TENM2: variants seen among roughly 807,000 people sequenced by gnomAD.
TENM2 encodes teneurin-2.
In TENM2, 52 loss-of-function variants were observed where a neutral mutation model predicts 245.2. The ratio of observed to expected loss-of-function variants is 0.21; its 90% CI spans 0.17 to 0.27. The LOEUF (loss-of-function observed/expected upper bound fraction) is 0.27. TENM2 is among the 10% of genes least tolerant of loss of function. The probability of loss-of-function intolerance (pLI) is 1.00; values close to 1 mark genes in which losing one functional copy is unlikely to be tolerated. For missense variants in TENM2, 3,046 were observed against 3,666.8 expected, an observed-to-expected ratio of 0.83 and a Z score of 4.37; for synonymous variants, 1,363 against 1,438.9, an observed-to-expected ratio of 0.95 and a Z score of 1.19.
At chr5:167,531,389 G>T (rs1771487426) in intron 2 of TENM2, among the ~76,000 whole-genome samples, 1 of 151,690 alleles carries the variant, frequency 6.6e-6, no homozygotes, top group South Asian at 2.1e-4. Flanking sequence ...AATTAAAATT[G>T]TATCTATTTG....
the TENM2 span, among the ~76,000 whole-genome samples, chr5:167,154,449 A>G: frequency 1.3e-5 from 2 of 152,220 alleles, no homozygotes; most frequent in African/African-American, 4.8e-5. Flanking sequence ...GAGTCAAAAC[A>G]CAAAGATTTC....
chr5:167,351,486 A>G (rs927764464), intron 1 of TENM2, among the ~76,000 whole-genome samples: 1 of 152,182 alleles, frequency 6.6e-6, no homozygotes. Context: ...CTATGGGTTC[A>G]CTGAGCAATA....
chr5:167,397,818 C>G (rs1258618129), intron 2 of TENM2, among the ~76,000 whole-genome samples: 1 of 152,162 alleles, frequency 6.6e-6, no homozygotes, highest in East Asian at 1.9e-4. Flanking sequence ...GAAAAAGTCT[C>G]TAAAACATGT....
chr5:168,087,106 T>G (rs1792521600), intron 7 of TENM2, among the ~76,000 whole-genome samples: 2 of 152,236 alleles, frequency 1.3e-5, no homozygotes, highest in South Asian at 4.1e-4. Flanking sequence ...AATGATGCTG[T>G]GTGATGCTGC....
At chr5:167,397,228 G>A (rs1762105206) in intron 2 of TENM2, among the ~76,000 whole-genome samples, 1 of 151,722 alleles carries the variant, frequency 6.6e-6, no homozygotes, top group East Asian at 1.9e-4. Context: ...AGGGAGAATA[G>A]GAGAGAATGC....
chr5:167,927,516 A>C (rs764422189), intron 3 of TENM2, among the ~76,000 whole-genome samples: 6 of 152,170 alleles, frequency 3.9e-5, no homozygotes, highest in Middle Eastern at 3.2e-3. Flanking sequence ...TGGTGGCCTT[A>C]AGTGCATAAA....
chr5:167,722,217 A>C (rs989313502), intron 2 of TENM2, among the ~76,000 whole-genome samples: 3 of 152,216 alleles, frequency 2.0e-5, no homozygotes, highest in Admixed American at 6.5e-5. Flanking sequence ...TGGTGTCAGC[A>C]AGCATGTGCC....
chr5:167,203,876 G>A, the TENM2 span, among the ~76,000 whole-genome samples: 10 of 151,408 alleles, frequency 6.6e-5, no homozygotes, highest in Non-Finnish European at 1.5e-4. Context: ...AAAGAGAGAT[G>A]AAGAAAAAAC....
At chr5:166,985,250 T>C in the TENM2 span, among the ~76,000 whole-genome samples, 1 of 152,118 alleles carries the variant, frequency 6.6e-6, no homozygotes, top group South Asian at 2.1e-4. Flanking sequence ...ATACCTGGAA[T>C]TGGAGACCTA....
chr5:168,157,295 T>A (rs1281948090), intron 12 of TENM2, among the ~76,000 whole-genome samples: 3 of 152,190 alleles, frequency 2.0e-5, no homozygotes, highest in Non-Finnish European at 4.4e-5. Context: ...GATAGGCTGA[T>A]GTGGTAAGAG....
At chr5:168,008,118 AAGGGC>A (rs1178503301) in intron 5 of TENM2, among the ~76,000 whole-genome samples, 10 of 152,340 alleles carry the variant, frequency 6.6e-5, no homozygotes, top group African/African-American at 2.2e-4. Flanking sequence ...AGAAACTCCC[AAGGGC>A]TGGAATAGTT....
chr5:168,199,909 C>G, exon 17 of TENM2: 1 of 1,613,942 alleles, frequency 6.2e-7, no homozygotes, highest in Non-Finnish European at 8.5e-7. Context: ...TGTGAAACTT[C>G]GCTATCTGAG....
At chr5:166,999,615 C>T in the TENM2 span, among the ~76,000 whole-genome samples, 1 of 151,898 alleles carries the variant, frequency 6.6e-6, no homozygotes, top group Non-Finnish European at 1.5e-5. Context: ...GGTCAGCGTG[C>T]CTTAACTGGA....
At chr5:167,456,834 A>C (rs1484512269) in intron 2 of TENM2, among the ~76,000 whole-genome samples, 1 of 152,228 alleles carries the variant, frequency 6.6e-6, no homozygotes. Flanking sequence ...CAGGCAGATA[A>C]TATTAAAAGT....
intron 2 of TENM2, among the ~76,000 whole-genome samples, chr5:167,563,889 G>C (rs1184265907): frequency 6.6e-6 from 1 of 152,170 alleles, no homozygotes; most frequent in Non-Finnish European, 1.5e-5. Flanking sequence ...GTGTGAAGTA[G>C]GGTTTACCAT....
chr5:168,171,438 A>G (rs1270725987), intron 13 of TENM2, among the ~76,000 whole-genome samples: 1 of 152,222 alleles, frequency 6.6e-6, no homozygotes, highest in Non-Finnish European at 1.5e-5. Flanking sequence ...AAATTTGGAC[A>G]GTGTTTCTGA....
intron 20 of TENM2, among the ~76,000 whole-genome samples, chr5:168,213,117 T>C (rs1044424408): frequency 6.6e-6 from 1 of 152,228 alleles, no homozygotes; most frequent in Non-Finnish European, 1.5e-5. Context: ...ATTTTTCCCT[T>C]TCTGCCCTAA....
At chr5:167,833,573 C>T (rs572503061) in intron 2 of TENM2, among the ~76,000 whole-genome samples, 11 of 152,324 alleles carry the variant, frequency 7.2e-5, no homozygotes, top group African/African-American at 2.6e-4. Flanking sequence ...TTGACCCGAA[C>T]CTTATCGCAG....
At chr5:168,043,876 G>A (rs1788399512) in intron 5 of TENM2, among the ~76,000 whole-genome samples, 1 of 152,162 alleles carries the variant, frequency 6.6e-6, no homozygotes, top group African/African-American at 2.4e-5. Context: ...AGATTATTAT[G>A]AGTTTTGAAA....
Sources: gnomAD v4.1 joint callset for allele counts (sites outside exome capture counted in the v4.1 genomes callset) on GRCh38, gnomAD v4.1.1 for gene constraint, MANE v1.5 for transcripts, NCBI Gene and HGNC (gene_info 2026-07-23, HGNC 2026-07-21) for gene names.